ZC3H13: variants seen among roughly 807,000 people sequenced by gnomAD.
The protein encoded by ZC3H13 is zinc finger CCCH-type containing 13, also known as zinc finger CCCH domain-containing protein 13.
ZC3H13 carries 64 observed loss-of-function variants against 204.1 expected under a neutral mutation model. The ratio of observed to expected loss-of-function variants is 0.31; its 90% CI spans 0.26 to 0.39. The LOEUF (loss-of-function observed/expected upper bound fraction) is 0.39, where lower values mean the gene tolerates loss of function less well. Ranked by LOEUF, ZC3H13 falls within the 10% of genes least tolerant of loss-of-function variation. ZC3H13 has a pLI of 1.00. For synonymous variants in ZC3H13, 667 were observed against 693.7 expected (o/e 0.96, Z 0.60); for missense variants, 1,833 against 2,082.7 (o/e 0.88, Z 2.33).
chr13:45,987,993 C>T (rs1182686160), intron 9 of ZC3H13, among the ~76,000 whole-genome samples: 1 of 152,134 alleles, frequency 6.6e-6, no homozygotes, highest in African/African-American at 2.4e-5. Flanking sequence ...AAAACTGCTT[C>T]GCTTACTTCT....
At chr13:45,958,452 A>C (rs754292883) in intron 18 of ZC3H13, among the ~76,000 whole-genome samples, 12 of 152,090 alleles carry the variant, frequency 7.9e-5, no homozygotes, top group Non-Finnish European at 1.6e-4. Flanking sequence ...CAGATTTGGA[A>C]ATTTTTTTGG....
chr13:45,980,146 C>A, intron 10 of ZC3H13, 142 bp from the exon 11 acceptor site: 1 of 725,360 alleles, frequency 1.4e-6, no homozygotes, highest in South Asian at 3.4e-5. Context: ...AAAAGAGTAT[C>A]AAGCAATGAA....
chr13:45,976,062 G>T, intron 11 of ZC3H13: 1 of 838,292 alleles, frequency 1.2e-6, no homozygotes, highest in Non-Finnish European at 1.4e-6. Context: ...CATGTTTCCT[G>T]CTCCCCGTCA....
chr13:45,959,550 G>A lies in ZC3H13; in HGVS notation c.4772C>T (p.Pro1591Leu). ...TCTGAAGCACAACGCCTTACAACAT[G>A]GGCCAAGATTACTAAGAAGACTTGC... ...ERASLLSNLGPCCKALCFRRD... is the reference protein window; with the variant it reads ...ERASLLSNLGLCCKALCFRRD... The change falls in exon 18 of 19, where the codon CCA becomes CTA. Residue 1591 changes from proline to leucine, a missense_variant. Around this residue, in one of 5 missense-constraint regions of ZC3H13, gnomAD observed 211 missense variants for 228.4 expected, o/e 0.92. Transcript: ENST00000679008. The A allele has an allele frequency of 1.3e-6, 2 of 1,548,676 alleles. No individual in the cohort carries two copies. Among genetic ancestry groups the A allele is most frequent in the Non-Finnish European group, 1.7e-6 (2 of 1,146,202 alleles).
chr13:45,965,301 G>A lies in ZC3H13; in HGVS notation c.4453C>T (p.Gln1485Ter). Residue 1485 changes from glutamine (Q) to a stop codon, truncating the protein, a stop_gained, in exon 16 of 19, where the codon CAG becomes TAG. Transcript: ENST00000679008. LOFTEE classifies it high-confidence loss of function. ...TTACCTGGCATCTTCTCCTCATCCT[G>A]TTGGTCCTCCCTCTTTTCTGCATCA... ...AGDAEKREDQ[Q>*]DEEKMPDPLD... 6.2e-7 allele frequency: 1 copy of A among 1,613,294 alleles called. No individual in the cohort carries two copies. Among genetic ancestry groups the A allele is most frequent in the Non-Finnish European group, 8.5e-7 (1 of 1,179,566 alleles).
chr13:46,049,178 T>A (rs1325458646), intron 1 of ZC3H13, among the ~76,000 whole-genome samples: 1 of 150,094 alleles, frequency 6.7e-6, no homozygotes, highest in Non-Finnish European at 1.5e-5. Flanking sequence ...AGATGTACTC[T>A]ACTTTTTCTC....
At chr13:46,031,434 T>G (rs527882262) in intron 4 of ZC3H13, among the ~76,000 whole-genome samples, 142 of 151,874 alleles carry the variant, frequency 9.3e-4, no homozygotes, top group Non-Finnish European at 1.5e-3. Flanking sequence ...AAGAAATAAC[T>G]GATAACTGGA....
intron 4 of ZC3H13, among the ~76,000 whole-genome samples, chr13:46,026,656 A>G (rs2042562641): frequency 6.6e-6 from 1 of 152,148 alleles, no homozygotes; most frequent in African/African-American, 2.4e-5. Flanking sequence ...ACACGTAAAA[A>G]ACAAAAGGCC....
At chr13:45,992,832 G>A (rs562598031) in intron 8 of ZC3H13, among the ~76,000 whole-genome samples, 1 of 152,280 alleles carries the variant, frequency 6.6e-6, no homozygotes, top group Admixed American at 6.5e-5. Context: ...CTGCCTGACT[G>A]CTTGAGCTGA....
chr13:45,982,755 A>G (rs1337518092), intron 10 of ZC3H13, among the ~76,000 whole-genome samples: 1 of 152,178 alleles, frequency 6.6e-6, no homozygotes, highest in Non-Finnish European at 1.5e-5. Flanking sequence ...TCAGCTCTCA[A>G]AAAGTCTGGA....
chr13:46,001,474 A>G (rs2040738434), intron 8 of ZC3H13: 1 of 152,226 alleles, frequency 6.6e-6, no homozygotes, highest in South Asian at 2.1e-4. Flanking sequence ...AGATGAAAAA[A>G]TAAAAAATAA....
At chr13:45,995,825 G>A (rs2040293311) in intron 8 of ZC3H13, among the ~76,000 whole-genome samples, 1 of 152,158 alleles carries the variant, frequency 6.6e-6, no homozygotes, top group African/African-American at 2.4e-5. Context: ...AAGTTACCTT[G>A]TCCCAGGTAT....
intron 3 of ZC3H13, among the ~76,000 whole-genome samples, chr13:46,043,172 A>G (rs1451355392): frequency 6.6e-6 from 1 of 151,970 alleles, no homozygotes; most frequent in African/African-American, 2.4e-5. Flanking sequence ...AAAAAGTACT[A>G]TATATAAAAA....
At position 46,042,290 on chromosome 13, in the gene ZC3H13, A is replaced by G. The variant is rs763875146; in HGVS notation, c.228-15T>C. On this transcript the variant is annotated splice_polypyrimidine_tract_variant and intron_variant, in intron 3 of 18. Transcript: ENST00000679008. ...TTTCTGGTGACCTTTGAACCAAAAC[A>G]CAGAAACAAAACAAAAAACGAAACA... 2 of 1,587,114 alleles carry G rather than the reference A, an allele frequency of 1.3e-6. No homozygotes were observed. Among genetic ancestry groups the G allele is most frequent in the East Asian group, 4.5e-5 (2 of 44,610 alleles).
chr13:46,000,482 C>T (rs1271128150), intron 8 of ZC3H13, among the ~76,000 whole-genome samples: 4 of 152,186 alleles, frequency 2.6e-5, no homozygotes, highest in Non-Finnish European at 5.9e-5. Flanking sequence ...CCTCTGCTAA[C>T]TTCAAACTTT....
At chr13:45,980,128 C>T (rs1953430030) in intron 10 of ZC3H13, 124 bp from the exon 11 acceptor site, 1 of 873,318 alleles carries the variant, frequency 1.1e-6, no homozygotes, top group Non-Finnish European at 1.6e-6. Context: ...GTGTGGTAAT[C>T]ACTCCTGAAA....
Position 46,015,935 on chromosome 13 carries a change from G to GA in ZC3H13, c.449-4382dup, listed in dbSNP as rs796506985. On this transcript the variant is annotated intron_variant, in intron 5 of 18. Coordinates refer to ENST00000679008, the MANE Select transcript of ZC3H13 (RefSeq NM_001330564.2). ...CATAAAGAATTCCTCTAATTAACAA[G>GA]AAAAAAAAAACAGGTAACACAATAG... 7.7e-3 allele frequency among the ~76,000 whole-genome samples: 1,122 copies of GA among 146,114 alleles called. 11 individuals carry two copies. Among genetic ancestry groups the GA allele is most frequent in the African/African-American group, 0.026 (1,033 of 39,918 alleles).
intron 4 of ZC3H13, among the ~76,000 whole-genome samples, chr13:46,032,730 C>A (rs2042976998): frequency 6.6e-6 from 1 of 152,058 alleles, no homozygotes; most frequent in Non-Finnish European, 1.5e-5. Flanking sequence ...AGTGGCAAGA[C>A]TGAAATAACC....
chr13:45,981,938 C>T (rs1317613510), intron 10 of ZC3H13, among the ~76,000 whole-genome samples: 1 of 151,092 alleles, frequency 6.6e-6, no homozygotes, highest in Admixed American at 6.6e-5. Context: ...TTAATGGGTG[C>T]AGCACACCAG....
Sources: allele counts gnomAD v4.1 joint callset (sites outside exome capture counted in the v4.1 genomes callset), GRCh38; gene constraint gnomAD v4.1.1; regional missense constraint gnomAD v4.1.1; transcripts MANE v1.5; gene names NCBI Gene and HGNC (gene_info 2026-07-23, HGNC 2026-07-21).